The following FAM53B variants were observed in gnomAD, a reference collection of about 807,000 sequenced individuals.
The protein encoded by FAM53B is family with sequence similarity 53 member B.
FAM53B carries 12 observed loss-of-function variants against 32.7 expected under a neutral mutation model. That is an observed-to-expected ratio of 0.37 (90% CI 0.24 to 0.59). The LOEUF (loss-of-function observed/expected upper bound fraction) is 0.59. Ranked by LOEUF, FAM53B falls within the 20% of genes least tolerant of loss-of-function variation. The probability of loss-of-function intolerance (pLI) is 0.72; values close to 1 mark genes in which losing one functional copy is unlikely to be tolerated. For missense variants in FAM53B, 477 were observed against 577.7 expected (o/e 0.83, Z 1.79); for synonymous variants, 234 against 228.7 (o/e 1.02, Z -0.21).
At chr10:124,677,995 C>T (rs1390602568) in intron 4 of FAM53B, among the ~76,000 whole-genome samples, 2 of 152,170 alleles carry the variant, frequency 1.3e-5, no homozygotes, top group East Asian at 3.8e-4. Context: ...GCAGGGCAGG[C>T]CTCCTTCCCA....
chr10:124,664,410 A>G (rs1949655307), intron 4 of FAM53B, among the ~76,000 whole-genome samples: 1 of 152,168 alleles, frequency 6.6e-6, no homozygotes, highest in Non-Finnish European at 1.5e-5. Flanking sequence ...CGCCTTTAGG[A>G]AACAGGTCAG....
chr10:124,671,275 CCT>C lies in FAM53B; in HGVS notation c.906+10330_906+10331del. 9 of 438,874 alleles carry C rather than the reference CCT, an allele frequency of 2.1e-5. 1 individual carries two copies. The highest frequency in any genetic ancestry group is 1.4e-4 in the South Asian group (9 of 64,068). 27.2% of individuals were successfully genotyped at this position (438,874 alleles called of 1,614,324 possible). ...CGGGACCAGCTAGCCGGCGCCCCTG[CCT>C]CTCAGGTCTTGCCCCAGCCCTGTGC... On this transcript the variant is annotated intron_variant, in intron 4 of 4. Coordinates refer to ENST00000337318, the MANE Select transcript of FAM53B (RefSeq NM_014661.4).
Position 124,623,511 on chromosome 10 carries a change from T to C in FAM53B, c.1000A>G (p.Arg334Gly). 1.9e-6 allele frequency: 3 copies of C among 1,595,072 alleles called. No homozygotes were observed. The highest frequency in any genetic ancestry group is 2.6e-6 in the Non-Finnish European group (3 of 1,171,600). The part of the protein sequence containing the change: ...SPFARHVSNT[R>G]AWTALLSASG... ...GCTGAGAGCAGGGCGGTCCAGGCCC[T>C]GGTGTTGCTGACGTGGCGGGCGAAG... The change falls in exon 5 of 5, where the codon AGG (arginine) becomes GGG (glycine). Residue 334 changes from arginine to glycine, a missense_variant. Arg to Gly is a moderately radical substitution (Grantham distance 125). Transcript: ENST00000337318.
intron 1 of FAM53B, among the ~76,000 whole-genome samples, chr10:124,719,119 G>A (rs529818062): frequency 1.9e-4 from 29 of 152,276 alleles, no homozygotes; most frequent in African/African-American, 6.3e-4. Flanking sequence ...TCAAAGCTAA[G>A]TCCAGGCATT....
intron 2 of FAM53B, among the ~76,000 whole-genome samples, chr10:124,702,035 G>C (rs571687812): frequency 6.6e-6 from 1 of 152,286 alleles, no homozygotes; most frequent in East Asian, 1.9e-4. Flanking sequence ...AGTGCCACAT[G>C]ACACCCAGGG....
chr10:124,626,672 C>G (rs1255423734), intron 4 of FAM53B, among the ~76,000 whole-genome samples: 1 of 152,150 alleles, frequency 6.6e-6, no homozygotes, highest in African/African-American at 2.4e-5. Flanking sequence ...ATCTTTGTCA[C>G]AGCAGCCCAA....
intron 4 of FAM53B, among the ~76,000 whole-genome samples, chr10:124,625,248 G>C (rs1949339131): frequency 6.6e-6 from 1 of 152,230 alleles, no homozygotes; most frequent in African/African-American, 2.4e-5. Flanking sequence ...CATTGTTCCT[G>C]AACACTCGGT....
At chr10:124,738,251 G>T (rs1169096411) in intron 1 of FAM53B, among the ~76,000 whole-genome samples, 1 of 152,112 alleles carries the variant, frequency 6.6e-6, no homozygotes, top group Non-Finnish European at 1.5e-5. Flanking sequence ...CTCAGTCTTG[G>T]ATGCACAAGA....
intron 4 of FAM53B, among the ~76,000 whole-genome samples, chr10:124,665,535 C>G (rs1207135688): frequency 6.6e-6 from 1 of 152,248 alleles, no homozygotes; most frequent in Non-Finnish European, 1.5e-5. Flanking sequence ...GCTTCCTACT[C>G]CTGGCTTCCT....
At chr10:124,736,035 G>A (rs1453350334) in intron 1 of FAM53B, among the ~76,000 whole-genome samples, 1 of 152,270 alleles carries the variant, frequency 6.6e-6, no homozygotes, top group African/African-American at 2.4e-5. Flanking sequence ...GCACCTAGGT[G>A]GCATGCAGCC....
intron 1 of FAM53B, among the ~76,000 whole-genome samples, chr10:124,742,276 T>C (rs560283587): frequency 2.0e-5 from 3 of 152,164 alleles, no homozygotes; most frequent in Non-Finnish European, 4.4e-5. Context: ...CTGGGACAAG[T>C]AGCTGTTTCT....
chr10:124,624,963 T>C (rs1949336846), intron 4 of FAM53B, among the ~76,000 whole-genome samples: 2 of 152,148 alleles, frequency 1.3e-5, no homozygotes, highest in Admixed American at 1.3e-4. Context: ...AATTCCAGCC[T>C]TTAGTTTCTT....
At chr10:124,671,111 C>T (rs981865067) in intron 4 of FAM53B, 29 of 446,124 alleles carry the variant, frequency 6.5e-5, no homozygotes, top group African/African-American at 3.6e-4. Flanking sequence ...TACATCTCCC[C>T]GTCTGCTTCC....
At chr10:124,684,864 C>G (rs1949792975) in intron 3 of FAM53B, among the ~76,000 whole-genome samples, 1 of 152,118 alleles carries the variant, frequency 6.6e-6, no homozygotes, top group Non-Finnish European at 1.5e-5. Flanking sequence ...GACACAGTCA[C>G]AACTATCCCA....
At chr10:124,649,737 A>G (rs917666599) in intron 4 of FAM53B, among the ~76,000 whole-genome samples, 2 of 152,192 alleles carry the variant, frequency 1.3e-5, no homozygotes, top group Non-Finnish European at 2.9e-5. Context: ...GGTCTCCCTC[A>G]CACACTGGGA....
At chr10:124,628,672 G>A (rs975913167) in intron 4 of FAM53B, among the ~76,000 whole-genome samples, 1 of 152,238 alleles carries the variant, frequency 6.6e-6, no homozygotes, top group African/African-American at 2.4e-5. Flanking sequence ...GTGAGTGTTG[G>A]CTCTGACAGT....
At chr10:124,643,112 G>A (rs1949487721) in intron 4 of FAM53B, among the ~76,000 whole-genome samples, 1 of 152,196 alleles carries the variant, frequency 6.6e-6, no homozygotes, top group African/African-American at 2.4e-5. Context: ...AAACAAAAAT[G>A]TCTCTTCCTA....
rs3740536 is a variant in FAM53B at position 124,622,926 on chromosome 10, G to C, written c.*316C>G. Reference sequence around the variant, plus strand: ...GCCCAGCTCTGCCGGGGACAACAGAGACTGCCCAACATCCCACAGGGAAAG... The same window carrying C: ...GCCCAGCTCTGCCGGGGACAACAGACACTGCCCAACATCCCACAGGGAAAG... On this transcript the variant is annotated 3_prime_UTR_variant, in exon 5 of 5. Transcript: ENST00000337318. 0.22 allele frequency: 59,225 copies of C among 272,696 alleles called. 7,523 individuals carry two copies. Among genetic ancestry groups the C allele is most frequent in the East Asian group, 0.26 (2,885 of 11,216 alleles). 16.9% of individuals were successfully genotyped at this position (272,696 alleles called of 1,614,324 possible).
At chr10:124,636,190 C>A (rs1481855723) in intron 4 of FAM53B, among the ~76,000 whole-genome samples, 1 of 152,182 alleles carries the variant, frequency 6.6e-6, no homozygotes, top group African/African-American at 2.4e-5. Flanking sequence ...TTTCCAAGGT[C>A]GAATTCCCAC....
Sources: allele counts gnomAD v4.1 joint callset (sites outside exome capture counted in the v4.1 genomes callset), GRCh38; gene constraint gnomAD v4.1.1; transcripts MANE v1.5; gene names NCBI Gene and HGNC (gene_info 2026-07-23, HGNC 2026-07-21).